ITGA4: variants seen among roughly 807,000 people sequenced by gnomAD.
The protein encoded by ITGA4 is integrin alpha-4.
ITGA4 carries 63 observed loss-of-function variants against 133.6 expected under a neutral mutation model. The observed-to-expected ratio is 0.47, with a 90% CI of 0.38 to 0.58. The LOEUF is 0.58. ITGA4 is among the 20% of genes least tolerant of loss of function. The pLI is 0.00. For missense variants in ITGA4, 1,076 were observed against 1,252.7 expected, an observed-to-expected ratio of 0.86 and a Z score of 2.13; for synonymous variants, 483 against 438.0, an observed-to-expected ratio of 1.10 and a Z score of -1.28.
chr2:181,536,622 G>T lies in ITGA4; in HGVS notation c.*1095G>T, dbSNP rs201206282. ...TTTAAATTCATAAATTTAGCTGAAA[G>T]ATACTGATTCAATTTGTATACAGTG... is the stretch of plus-strand genomic sequence containing the variant. On this transcript the variant is annotated 3_prime_UTR_variant, in exon 28 of 28. Transcript: ENST00000397033. 6.2e-6 allele frequency: 1 copy of T among 160,506 alleles called. No homozygotes were observed. Among genetic ancestry groups the T allele is most frequent in the Non-Finnish European group, 1.4e-5 (1 of 73,316 alleles). 9.9% of individuals were successfully genotyped at this position (160,506 alleles called of 1,614,324 possible).
intron 25 of ITGA4, among the ~76,000 whole-genome samples, chr2:181,532,638 A>C (rs528914760): frequency 6.6e-6 from 1 of 152,234 alleles, no homozygotes; most frequent in East Asian, 1.9e-4. Flanking sequence ...AAGCTTAAGG[A>C]GTTTTGGGGC....
At chr2:181,489,657 T>C (rs771489990) in intron 10 of ITGA4, among the ~76,000 whole-genome samples, 3 of 152,202 alleles carry the variant, frequency 2.0e-5, no homozygotes, top group Non-Finnish European at 4.4e-5. Context: ...AAGTGAGCAC[T>C]TCTGTTTTAT....
chr2:181,494,438 C>A (rs149724), intron 11 of ITGA4, among the ~76,000 whole-genome samples: 2 of 152,174 alleles, frequency 1.3e-5, no homozygotes, highest in Non-Finnish European at 1.5e-5. Flanking sequence ...GAGACCCCCA[C>A]CTCTAAAAGA....
rs1686787858 is a variant in ITGA4, at chr2:181,524,263, G to T, written c.2249+13G>T. The T allele has an allele frequency of 6.8e-7, 1 of 1,466,732 alleles. No homozygotes were observed. Among genetic ancestry groups the T allele is most frequent in the South Asian group, 1.3e-5 (1 of 78,932 alleles). The allele number at this position is 1,466,732 out of a possible 1,614,324, so 90.9% of individuals were successfully genotyped here. On this transcript the variant is annotated intron_variant, in intron 20 of 27. Transcript: ENST00000397033. ...TGCATGCTACCTGGTATAATTTATTGTTAATAAAATGAACTAGAAATATAC... is the reference window on the plus strand; with the variant it reads ...TGCATGCTACCTGGTATAATTTATTTTTAATAAAATGAACTAGAAATATAC...
At chr2:181,482,991 A>G (rs775625090) in intron 9 of ITGA4, among the ~76,000 whole-genome samples, 9 of 152,148 alleles carry the variant, frequency 5.9e-5, no homozygotes, top group Non-Finnish European at 1.2e-4. Flanking sequence ...CAAAATGTAG[A>G]TTTCTTAATA....
Position 181,494,828 on chromosome 2 carries a change from A to T in ITGA4, c.1339+16A>T. 7.9e-7 allele frequency: 1 copy of T among 1,265,410 alleles called. No homozygotes were observed. The highest frequency in any genetic ancestry group is 1.2e-6 in the Non-Finnish European group (1 of 862,718). 78.4% of individuals were successfully genotyped at this position (1,265,410 alleles called of 1,614,324 possible). ...GGCTATGTAGGTGAGTAATTAGTTTATCATAATTTATAAATTGGAATAAGC... is the reference window on the plus strand; with the variant it reads ...GGCTATGTAGGTGAGTAATTAGTTTTTCATAATTTATAAATTGGAATAAGC... On this transcript the variant is annotated intron_variant, in intron 12 of 27. Coordinates refer to ENST00000397033, the MANE Select transcript of ITGA4 (RefSeq NM_000885.6).
chr2:181,476,670 T>C (rs1029230770), intron 4 of ITGA4, among the ~76,000 whole-genome samples: 2 of 152,070 alleles, frequency 1.3e-5, no homozygotes, highest in African/African-American at 4.8e-5. Context: ...GAAAGGACAC[T>C]CTCTTCAATT....
chr2:181,457,514 T>G lies in ITGA4; in HGVS notation c.-141T>G. 1.3e-6 allele frequency: 1 copy of G among 779,386 alleles called. No homozygotes were observed. The highest frequency in any genetic ancestry group is 2.0e-6 in the Non-Finnish European group (1 of 505,600). The allele number at this position is 779,386 out of a possible 1,614,324, so 48.3% of individuals were successfully genotyped here. On this transcript the variant is annotated 5_prime_UTR_variant, in exon 1 of 28. Transcript: ENST00000397033. ...TGGGCCGACTTCCCCTCCTCTTCCC[T>G]CTCTCCTTCCTTTAGCCCGCTGGCG... is the stretch of plus-strand genomic sequence containing the variant.
chr2:181,483,801 C>A (rs1685855748), intron 9 of ITGA4, among the ~76,000 whole-genome samples: 1 of 152,154 alleles, frequency 6.6e-6, no homozygotes, highest in African/African-American at 2.4e-5. Context: ...CCTCGTGCTG[C>A]AAATTTCTCT....
chr2:181,480,221 G>C lies in ITGA4; in HGVS notation c.709G>C (p.Ala237Pro), dbSNP rs1216427413. The change falls in exon 6 of 28, where the codon GCT becomes CCT. Residue 237 changes from alanine (A) to proline (P), a missense_variant. By Grantham distance (27) the Ala-to-Pro change is conservative (BLOSUM62 -1). Coordinates refer to ENST00000397033, the MANE Select transcript of ITGA4 (RefSeq NM_000885.6). ...CAATATAACTACAAATAAATACAAG[G>C]CTTTTTTAGACAAACAAAATCAAGT... ...VYNITTNKYKAFLDKQNQVKF... is the reference protein window; with the variant it reads ...VYNITTNKYKPFLDKQNQVKF... 2 of 1,506,894 alleles carry C rather than the reference G, an allele frequency of 1.3e-6. No individual in the cohort carries two copies. The highest frequency in any genetic ancestry group is 2.1e-5 in the Admixed American group (1 of 46,822). The allele number at this position is 1,506,894 out of a possible 1,614,324, so 93.3% of individuals were successfully genotyped here.
In ITGA4 at chr2:181,493,321, A is replaced by G. The variant is rs761995981; in HGVS notation, c.1154-4A>G. The G allele has an allele frequency of 9.4e-6, 15 of 1,590,502 alleles. No homozygotes were observed. In the South Asian group the frequency reaches 1.7e-4, roughly 18 times the overall value. ...ATTTTTCCATTGTTTAAATTATTGG[A>G]TAGATGTTGCTATCGGAGCTCCACA... is the stretch of plus-strand genomic sequence containing the variant. On this transcript the variant is annotated splice_polypyrimidine_tract_variant and splice_region_variant and intron_variant, in intron 10 of 27. Coordinates refer to ENST00000397033, the MANE Select transcript of ITGA4 (RefSeq NM_000885.6).
Position 181,537,215 on chromosome 2 carries a change from T to C in ITGA4, c.*1688T>C, listed in dbSNP as rs200941643. 1 of 453,934 alleles carries C rather than the reference T, an allele frequency of 2.2e-6. No homozygotes were observed. Among genetic ancestry groups the C allele is most frequent in the Non-Finnish European group, 4.4e-6 (1 of 226,712 alleles). The allele number at this position is 453,934 out of a possible 1,614,324, so 28.1% of individuals were successfully genotyped here. On this transcript the variant is annotated 3_prime_UTR_variant, in exon 28 of 28. Transcript: ENST00000397033. ...GAAAAATCAAGCCCCGATTTAGAACTGTCTTCTCCAGGATGGTCTCTAAGG... is the reference window on the plus strand; with the variant it reads ...GAAAAATCAAGCCCCGATTTAGAACCGTCTTCTCCAGGATGGTCTCTAAGG...
chr2:181,505,940 G>A (rs1686383919), intron 15 of ITGA4, among the ~76,000 whole-genome samples: 1 of 151,940 alleles, frequency 6.6e-6, no homozygotes, highest in African/African-American at 2.4e-5. Flanking sequence ...GAATACTCAG[G>A]GCTTCAAGCT....
chr2:181,530,730 G>A (rs1686927961), intron 24 of ITGA4, 81 bp downstream of exon 24: 1 of 1,240,526 alleles, frequency 8.1e-7, no homozygotes, highest in South Asian at 1.4e-5. Context: ...ATGGGTTTGA[G>A]CTGTCACTTC....
chr2:181,457,407 G>A lies in ITGA4; in HGVS notation c.-248G>A. The A allele has an allele frequency of 2.2e-6, 1 of 462,738 alleles. No homozygotes were observed. The highest frequency in any genetic ancestry group is 3.9e-6 in the Non-Finnish European group (1 of 259,376). 28.7% of individuals were successfully genotyped at this position (462,738 alleles called of 1,614,324 possible). On this transcript the variant is annotated 5_prime_UTR_variant, in exon 1 of 28. Coordinates refer to ENST00000397033, the MANE Select transcript of ITGA4 (RefSeq NM_000885.6). ...CGGAGAAGCAGCGCGAGCACCCGAA[G>A]CTCCCGGCTGGCGGCAGAAACCGGG...
At chr2:181,494,114 A>G (rs1284817447) in intron 11 of ITGA4, among the ~76,000 whole-genome samples, 1 of 152,204 alleles carries the variant, frequency 6.6e-6, no homozygotes, top group Non-Finnish European at 1.5e-5. Context: ...TCAGCTTAAT[A>G]TTTATAAACC....
At position 181,475,036 on chromosome 2, in the gene ITGA4, C is replaced by T; in HGVS notation, c.396C>T (p.Ser132=). The change falls in exon 3 of 28, where the codon TCC becomes TCT. Residue 132 remains serine, a synonymous_variant. Coordinates refer to ENST00000397033, the MANE Select transcript of ITGA4 (RefSeq NM_000885.6). Reference sequence around the variant, plus strand: ...ATCAGTGGTTGGGGGTCACACTTTCCAGACAGCCAGGAGAAAATGGATCCA... The same window carrying T: ...ATCAGTGGTTGGGGGTCACACTTTCTAGACAGCCAGGAGAAAATGGATCCA... ...RDNQWLGVTL[S]RQPGENGSIV... The T allele has an allele frequency of 1.9e-6, 3 of 1,614,024 alleles. No homozygotes were observed. Among genetic ancestry groups the T allele is most frequent in the Non-Finnish European group, 2.5e-6 (3 of 1,179,946 alleles).
intron 2 of ITGA4, among the ~76,000 whole-genome samples, chr2:181,473,769 C>T (rs1322914678): frequency 6.6e-6 from 1 of 152,074 alleles, no homozygotes; most frequent in Non-Finnish European, 1.5e-5. Context: ...GAGTTCAAGA[C>T]CAGTATGGGT....
chr2:181,479,620 C>G (rs916445899), intron 5 of ITGA4: 16 of 152,034 alleles, frequency 1.1e-4, no homozygotes, highest in African/African-American at 2.9e-4. Context: ...CCTAAATTTT[C>G]CTCTGTATAA....
Sources: allele counts gnomAD v4.1 joint callset (sites outside exome capture counted in the v4.1 genomes callset), GRCh38; gene constraint gnomAD v4.1.1; transcripts MANE v1.5; gene names NCBI Gene and HGNC (gene_info 2026-07-23, HGNC 2026-07-21).